GLIS1: variants seen among roughly 807,000 people sequenced by gnomAD.
GLIS1 encodes GLIS family zinc finger 1.
A neutral mutation model predicts 63.8 loss-of-function variants in GLIS1; 24 were observed. That is an observed-to-expected ratio of 0.38 (90% CI 0.27 to 0.53). GLIS1 has a LOEUF of 0.53. Ranked by LOEUF, GLIS1 falls within the 20% of genes least tolerant of loss-of-function variation. GLIS1 has a pLI of 0.85. For synonymous variants in GLIS1, 450 were observed against 482.5 expected (o/e 0.93, Z 0.88); for missense variants, 1,036 against 1,074.1 (o/e 0.96, Z 0.50).
At chr1:53,717,201 G>A (rs1646708546) in intron 2 of GLIS1, among the ~76,000 whole-genome samples, 1 of 152,040 alleles carries the variant, frequency 6.6e-6, no homozygotes, top group African/African-American at 2.4e-5. Flanking sequence ...TACCTCACTG[G>A]GTCTCAGTTT....
At chr1:53,731,447 G>A (rs750360734) in intron 2 of GLIS1, among the ~76,000 whole-genome samples, 14 of 152,172 alleles carry the variant, frequency 9.2e-5, no homozygotes, top group Non-Finnish European at 1.3e-4. Context: ...CCTTGGGGGC[G>A]CGCAGCTCTC....
chr1:53,681,680 T>C (rs1238981349), intron 2 of GLIS1, among the ~76,000 whole-genome samples: 1 of 152,214 alleles, frequency 6.6e-6, no homozygotes, highest in Non-Finnish European at 1.5e-5. Flanking sequence ...GAAAAGGGCT[T>C]GAGCCCACCA....
chr1:53,522,777 C>A (rs779475276), intron 6 of GLIS1, among the ~76,000 whole-genome samples: 35 of 151,958 alleles, frequency 2.3e-4, no homozygotes, highest in Non-Finnish European at 5.0e-4. Flanking sequence ...AAGCCAGGAG[C>A]AGTAAGCATG....
chr1:53,669,394 C>T (rs1000392933), intron 2 of GLIS1, among the ~76,000 whole-genome samples: 3 of 151,756 alleles, frequency 2.0e-5, no homozygotes, highest in Non-Finnish European at 4.4e-5. Context: ...TGGATCCCAG[C>T]GTGTGGTCAG....
At chr1:53,604,960 ACACAC>A (rs1645355964) in intron 2 of GLIS1, among the ~76,000 whole-genome samples, 1 of 16,926 alleles carries the variant, frequency 5.9e-5, no homozygotes, top group Non-Finnish European at 1.1e-3. Flanking sequence ...ATATATACAC[ACACAC>A]ACACACAAAT....
chr1:53,734,623 C>T (rs930857609), intron 2 of GLIS1, among the ~76,000 whole-genome samples: 1 of 152,202 alleles, frequency 6.6e-6, no homozygotes, highest in African/African-American at 2.4e-5. Flanking sequence ...ACTTTACAGA[C>T]TTCTACATCT....
rs369300518 is a variant in GLIS1 at position 53,557,674 on chromosome 1, A to G, written c.1321-27722T>C. ...GCTCACATGGTGTCGTTGAGCAGCTACCAAGAAATATCTTGTCACTCCAAT... is the reference window on the plus strand; with the variant it reads ...GCTCACATGGTGTCGTTGAGCAGCTGCCAAGAAATATCTTGTCACTCCAAT... On this transcript the variant is annotated intron_variant, in intron 4 of 10. Transcript: ENST00000628545. Among the ~76,000 whole-genome samples the G allele has an allele frequency of 3.3e-5, 5 of 152,232 alleles. No individual in the cohort carries two copies. In the South Asian group the frequency reaches 1.0e-3, roughly 31 times the overall value.
At chr1:53,736,320 G>A (rs969798665) in intron 2 of GLIS1, among the ~76,000 whole-genome samples, 2 of 152,222 alleles carry the variant, frequency 1.3e-5, no homozygotes, top group South Asian at 2.1e-4. Context: ...AAAGCCCCCA[G>A]GTGAAAGGTC....
intron 2 of GLIS1, among the ~76,000 whole-genome samples, chr1:53,684,096 T>C (rs1646304629): frequency 6.6e-6 from 1 of 152,074 alleles, no homozygotes; most frequent in Non-Finnish European, 1.5e-5. Context: ...GGCTTTTGTG[T>C]TCCTTCCTTC....
chr1:53,585,417 T>C (rs973271200), intron 4 of GLIS1, among the ~76,000 whole-genome samples: 2 of 151,990 alleles, frequency 1.3e-5, no homozygotes, highest in Admixed American at 6.6e-5. Context: ...AGTAAGGGAT[T>C]TGAACCTTAG....
chr1:53,592,992 C>A (rs1482541632), intron 4 of GLIS1, among the ~76,000 whole-genome samples: 1 of 152,284 alleles, frequency 6.6e-6, no homozygotes, highest in Non-Finnish European at 1.5e-5. Context: ...TTCCTGGCCC[C>A]TACAATGTCA....
At chr1:53,534,283 A>T (rs1644560787) in intron 4 of GLIS1, among the ~76,000 whole-genome samples, 1 of 152,028 alleles carries the variant, frequency 6.6e-6, no homozygotes, top group African/African-American at 2.4e-5. Flanking sequence ...ACCTTCAGGT[A>T]ATGGCACCAC....
At chr1:53,578,603 C>A (rs1455489790) in intron 4 of GLIS1, among the ~76,000 whole-genome samples, 1 of 152,184 alleles carries the variant, frequency 6.6e-6, no homozygotes, top group African/African-American at 2.4e-5. Context: ...CAAAAAGAAT[C>A]CTGTATCAAC....
intron 5 of GLIS1, among the ~76,000 whole-genome samples, chr1:53,528,173 C>T (rs945582009): frequency 6.6e-6 from 1 of 152,178 alleles, no homozygotes; most frequent in African/African-American, 2.4e-5. Flanking sequence ...GTGACAAAGG[C>T]AGGGAGATCT....
chr1:53,672,981 C>G (rs778108445), intron 2 of GLIS1, among the ~76,000 whole-genome samples: 7 of 152,210 alleles, frequency 4.6e-5, no homozygotes, highest in Admixed American at 2.0e-4. Context: ...CAGACTGTCC[C>G]CAGGTCTCTG....
At chr1:53,512,634 G>A (rs1213150308) in intron 8 of GLIS1, among the ~76,000 whole-genome samples, 4 of 152,138 alleles carry the variant, frequency 2.6e-5, no homozygotes, top group South Asian at 2.1e-4. Flanking sequence ...TGTCAGGCAC[G>A]AGGACGCTTC....
intron 2 of GLIS1, among the ~76,000 whole-genome samples, chr1:53,690,919 C>A (rs1158925136): frequency 1.3e-5 from 2 of 152,132 alleles, no homozygotes; most frequent in African/African-American, 4.8e-5. Flanking sequence ...ACAATTATGT[C>A]CCCCTTTTTC....
chr1:53,508,319 G>A (rs930362469), intron 10 of GLIS1, among the ~76,000 whole-genome samples: 7 of 152,214 alleles, frequency 4.6e-5, no homozygotes, highest in South Asian at 2.1e-4. Flanking sequence ...GTATGTGCCC[G>A]GCTGAGGCCT....
rs560333179 is a variant in GLIS1, at chr1:53,534,122, G to A, written c.1321-4170C>T. On this transcript the variant is annotated intron_variant, in intron 4 of 10. Coordinates refer to ENST00000628545, the MANE Select transcript of GLIS1 (RefSeq NM_001367484.1). ...GGCCCCCATCCATAGGCTGTGTAGG[G>A]CTGGGAGGGCTGCAGGGAGGGAACC... Among the ~76,000 whole-genome samples the A allele has an allele frequency of 1.4e-4, 21 of 152,020 alleles. 1 individual carries two copies. Among genetic ancestry groups the A allele is most frequent in the African/African-American group, 4.8e-4 (20 of 41,366 alleles).
Sources: allele counts gnomAD v4.1 joint callset (sites outside exome capture counted in the v4.1 genomes callset), GRCh38; gene constraint gnomAD v4.1.1; transcripts MANE v1.5; gene names NCBI Gene and HGNC (gene_info 2026-07-23, HGNC 2026-07-21).